NUP133: variants seen among roughly 807,000 people sequenced by gnomAD.
NUP133 encodes nuclear pore complex protein Nup133.
Under a neutral mutation model 146.2 loss-of-function variants are expected in NUP133, and 66 were observed. The ratio of observed to expected loss-of-function variants is 0.45; its 90% CI spans 0.37 to 0.55. The LOEUF (loss-of-function observed/expected upper bound fraction) is 0.55, where lower values mean the gene tolerates loss of function less well. Ranked by LOEUF, NUP133 falls within the 20% of genes least tolerant of loss-of-function variation. NUP133 has a pLI of 0.00. For missense variants in NUP133, 1,277 were observed against 1,374.8 expected (o/e 0.93, Z 1.12); for synonymous variants, 521 against 498.8 (o/e 1.04, Z -0.59).
At chr1:229,496,110 T>C in intron 6 of NUP133, 63 bp from the exon 7 acceptor site, 6 of 1,290,514 alleles carry the variant, frequency 4.6e-6, no homozygotes, top group Non-Finnish European at 6.2e-6. Context: ...GGAACTATTG[T>C]TTTAAAAGTC....
chr1:229,506,260 A>AT, intron 1 of NUP133, 102 bp from the exon 2 acceptor site: 1 of 593,214 alleles, frequency 1.7e-6, no homozygotes. Context: ...TTTGAAAAAA[A>AT]TTAACACTGG....
At chr1:229,474,729 G>A (rs1412992233) in intron 14 of NUP133, among the ~76,000 whole-genome samples, 1 of 152,126 alleles carries the variant, frequency 6.6e-6, no homozygotes, top group East Asian at 1.9e-4. Context: ...CAATGGATTG[G>A]ACAGCACTCA....
chr1:229,444,816 C>T (rs947961760), intron 25 of NUP133, 98 bp downstream of exon 25: 1 of 769,642 alleles, frequency 1.3e-6, no homozygotes, highest in Admixed American at 2.2e-5. Context: ...CACTGCACTC[C>T]AGCCTGAGTG....
intron 14 of NUP133, among the ~76,000 whole-genome samples, chr1:229,475,198 T>A (rs933938124): frequency 6.6e-6 from 1 of 152,316 alleles, no homozygotes; most frequent in South Asian, 2.1e-4. Context: ...GCCACTTTTA[T>A]TGACGAGACA....
intron 20 of NUP133, among the ~76,000 whole-genome samples, chr1:229,459,846 A>G (rs944895870): frequency 6.6e-6 from 1 of 152,222 alleles, no homozygotes; most frequent in African/African-American, 2.4e-5. Flanking sequence ...CCTTTTCAAC[A>G]TACTGACTTC....
At chr1:229,472,045 C>T (rs1234102474) in intron 14 of NUP133, among the ~76,000 whole-genome samples, 1 of 152,136 alleles carries the variant, frequency 6.6e-6, no homozygotes, top group African/African-American at 2.4e-5. Flanking sequence ...ATCGGCCAGG[C>T]GTGATGGCTC....
At chr1:229,465,892 C>CAA (rs71561801) in intron 16 of NUP133, among the ~76,000 whole-genome samples, 5,718 of 77,198 alleles carry the variant, frequency 0.074, 458 homozygotes, top group African/African-American at 0.2. Flanking sequence ...CCATGTCTCA[C>CAA]AAAAAAAAAA....
chr1:229,481,419 G>A (rs1391537003), intron 12 of NUP133, among the ~76,000 whole-genome samples: 1 of 152,026 alleles, frequency 6.6e-6, no homozygotes, highest in Non-Finnish European at 1.5e-5. Flanking sequence ...TTATAAGAAG[G>A]CCACGTGGGC....
intron 24 of NUP133, among the ~76,000 whole-genome samples, chr1:229,448,319 T>C (rs1442349770): frequency 6.6e-6 from 1 of 152,024 alleles, no homozygotes. Flanking sequence ...TCCCATTTAC[T>C]TGGGAGGCTG....
chr1:229,477,205 C>A (rs986244986), intron 13 of NUP133, among the ~76,000 whole-genome samples: 1 of 151,888 alleles, frequency 6.6e-6, no homozygotes, highest in Admixed American at 6.6e-5. Context: ...TTTGGGAGGC[C>A]GAGGTGGGTG....
In NUP133 at chr1:229,450,566, C is replaced by A. The variant is rs1262677146; in HGVS notation, c.3139G>T (p.Asp1047Tyr). ...CEENRRANEY[D>Y]FKKALDLLEY... Reference sequence around the variant, plus strand: ...AACAAGTCCAAAGCTTTCTTGAAATCATATTCATTAGCTCTTCTATTTTCT... The same window carrying A: ...AACAAGTCCAAAGCTTTCTTGAAATAATATTCATTAGCTCTTCTATTTTCT... Residue 1047 changes from aspartate (D) to tyrosine (Y), a missense_variant, in exon 23 of 26, where the codon GAT becomes TAT. Coordinates refer to ENST00000261396, the MANE Select transcript of NUP133 (RefSeq NM_018230.3). 1.9e-6 allele frequency: 3 copies of A among 1,588,172 alleles called. No homozygotes were observed. The highest frequency in any genetic ancestry group is 4.5e-5 in the East Asian group (2 of 44,332).
chr1:229,493,074 CA>C (rs1661564173), intron 8 of NUP133, among the ~76,000 whole-genome samples: 1 of 151,848 alleles, frequency 6.6e-6, no homozygotes, highest in African/African-American at 2.4e-5. Context: ...TGAGTATATC[CA>C]AAGTAATGAA....
chr1:229,462,643 G>C (rs775132827), intron 19 of NUP133, among the ~76,000 whole-genome samples: 1 of 151,716 alleles, frequency 6.6e-6, no homozygotes, highest in Non-Finnish European at 1.5e-5. Context: ...CACTGGCCTT[G>C]ACCTCCTGGG....
chr1:229,441,971 T>A lies in NUP133; in HGVS notation c.3404A>T (p.Lys1135Met), dbSNP rs1244086012. 1 of 1,592,368 alleles carries A rather than the reference T, an allele frequency of 6.3e-7. No homozygotes were observed. The highest frequency in any genetic ancestry group is 2.3e-5 in the East Asian group (1 of 43,950). The change falls in exon 26 of 26, where the codon AAG (lysine) becomes ATG (methionine). Residue 1135 changes from lysine (K) to methionine (M), a missense_variant. By Grantham distance (95) the Lys-to-Met change is moderately conservative (BLOSUM62 -1). Coordinates refer to ENST00000261396, the MANE Select transcript of NUP133 (RefSeq NM_018230.3). ...LLQADQLGSL[K>M]SNPYFEFVLK... Reference sequence around the variant, plus strand: ...AACAAACTCGAAGTAAGGATTGGACTTTAAGCTTCCAAGCTGATCCGCTTG... The same window carrying A: ...AACAAACTCGAAGTAAGGATTGGACATTAAGCTTCCAAGCTGATCCGCTTG...
At chr1:229,443,736 T>C (rs2102743447) in intron 25 of NUP133, among the ~76,000 whole-genome samples, 1 of 144,184 alleles carries the variant, frequency 6.9e-6, no homozygotes, top group Non-Finnish European at 1.5e-5. Flanking sequence ...TTTTTTTTTT[T>C]TTTTTTTTTT....
Position 229,489,957 on chromosome 1 carries a change from GA to G in NUP133, c.1191del (p.Gln398SerfsTer5). ...TVEVTQYNPP[F>X]QSEDLILCQL... ...AATTTAACCAATATAAATCTTACCT[GA>G]AAAGGTGGATTATATTGAGTGACTT... On this transcript the variant is annotated frameshift_variant, in exon 9 of 26. Coordinates refer to ENST00000261396, the MANE Select transcript of NUP133 (RefSeq NM_018230.3). LOFTEE classifies it high-confidence loss of function. The G allele has an allele frequency of 6.3e-7, 1 of 1,583,772 alleles. No individual in the cohort carries two copies. The highest frequency in any genetic ancestry group is 8.6e-7 in the Non-Finnish European group (1 of 1,164,244).
intron 1 of NUP133, among the ~76,000 whole-genome samples, chr1:229,507,666 T>A (rs1661978994): frequency 6.6e-6 from 1 of 152,228 alleles, no homozygotes; most frequent in African/African-American, 2.4e-5. Context: ...GTCCTCATTA[T>A]CACCATCACC....
chr1:229,485,920 T>C (rs1661336773), intron 11 of NUP133, among the ~76,000 whole-genome samples: 1 of 152,132 alleles, frequency 6.6e-6, no homozygotes, highest in Non-Finnish European at 1.5e-5. Context: ...TCCCAGCACT[T>C]TGGGAGGCCG....
intron 24 of NUP133, among the ~76,000 whole-genome samples, chr1:229,445,218 T>C (rs1419591155): frequency 6.6e-6 from 1 of 152,160 alleles, no homozygotes; most frequent in Non-Finnish European, 1.5e-5. Context: ...CTAGGGAACA[T>C]GCAAGAGACG....
Sources: allele counts gnomAD v4.1 joint callset (sites outside exome capture counted in the v4.1 genomes callset), GRCh38; gene constraint gnomAD v4.1.1; transcripts MANE v1.5; gene names NCBI Gene and HGNC (gene_info 2026-07-23, HGNC 2026-07-21).